The following THRAP3 variants were observed in gnomAD, a reference collection of about 807,000 sequenced individuals.
THRAP3 encodes the protein thyroid hormone receptor associated protein 3.
In THRAP3, 16 loss-of-function variants were observed where a neutral mutation model predicts 101.0. The ratio of observed to expected loss-of-function variants is 0.16; its 90% CI spans 0.11 to 0.24. THRAP3 has a LOEUF of 0.24. THRAP3 is among the 10% of genes least tolerant of loss of function. The probability of loss-of-function intolerance (pLI) is 1.00; values close to 1 mark genes in which losing one functional copy is unlikely to be tolerated. For missense variants in THRAP3, 989 were observed against 1,202.7 expected, an observed-to-expected ratio of 0.82 and a Z score of 2.63; for synonymous variants, 407 against 422.6, an observed-to-expected ratio of 0.96 and a Z score of 0.45.
At chr1:36,302,417 C>G (rs1022305620) in intron 11 of THRAP3, among the ~76,000 whole-genome samples, 3 of 152,212 alleles carry the variant, frequency 2.0e-5, no homozygotes, top group Non-Finnish European at 4.4e-5. Flanking sequence ...CATCCCTTTT[C>G]TAGGGTTGCT....
At chr1:36,245,383 GGT>G (rs1425254777) in intron 1 of THRAP3, among the ~76,000 whole-genome samples, 4 of 151,792 alleles carry the variant, frequency 2.6e-5, no homozygotes, top group African/African-American at 7.3e-5. Flanking sequence ...TGGCCAGGCT[GGT>G]CTCGAACTCC....
chr1:36,222,092 G>A (rs1387947494), upstream of THRAP3, among the ~76,000 whole-genome samples: 1 of 152,138 alleles, frequency 6.6e-6, no homozygotes, highest in Non-Finnish European at 1.5e-5. Flanking sequence ...GATTACAGGC[G>A]TGAGCCACTG....
chr1:36,244,373 TAAAAAA>T (rs1203379130), intron 1 of THRAP3, among the ~76,000 whole-genome samples: 2 of 152,254 alleles, frequency 1.3e-5, no homozygotes, highest in African/African-American at 4.8e-5. Context: ...AATTTGTAAT[TAAAAAA>T]AGAAAAAGTC....
chr1:36,267,638 A>G (rs1440206084), intron 2 of THRAP3, among the ~76,000 whole-genome samples: 1 of 117,946 alleles, frequency 8.5e-6, no homozygotes, highest in Admixed American at 1.2e-4. Flanking sequence ...AGCAATTAGT[A>G]ATAGTCAAAC....
At chr1:36,250,109 A>G (rs1323429657) in intron 1 of THRAP3, among the ~76,000 whole-genome samples, 2 of 152,166 alleles carry the variant, frequency 1.3e-5, no homozygotes, top group Non-Finnish European at 2.9e-5. Context: ...CGGCAATTAC[A>G]TAAGGTAGAC....
At chr1:36,264,811 T>C (rs901088161) in intron 2 of THRAP3, among the ~76,000 whole-genome samples, 56 of 152,212 alleles carry the variant, frequency 3.7e-4, no homozygotes, top group Admixed American at 1.4e-3. Flanking sequence ...AGAGTTTATA[T>C]TTGCTAGGGC....
chr1:36,236,318 T>C (rs1393693875), intron 1 of THRAP3, among the ~76,000 whole-genome samples: 1 of 152,144 alleles, frequency 6.6e-6, no homozygotes, highest in Non-Finnish European at 1.5e-5. Context: ...ATTAAGTATA[T>C]GTTGAGCTCT....
At chr1:36,296,241 T>G (rs1645949895) in intron 8 of THRAP3, among the ~76,000 whole-genome samples, 1 of 152,136 alleles carries the variant, frequency 6.6e-6, no homozygotes. Flanking sequence ...CCCAAAGTTC[T>G]GGGATTACAG....
the THRAP3 span, among the ~76,000 whole-genome samples, chr1:36,209,999 A>G: frequency 6.6e-6 from 1 of 152,176 alleles, no homozygotes; most frequent in Non-Finnish European, 1.5e-5. Flanking sequence ...ATCTTCTAGA[A>G]CAGTGCTACT....
At chr1:36,220,970 A>ATAT (rs1483311673), upstream of THRAP3, among the ~76,000 whole-genome samples, 27 of 128,392 alleles carry the variant, frequency 2.1e-4, no homozygotes, top group African/African-American at 6.9e-4. Flanking sequence ...AAAAAAAAAA[A>ATAT]AAATATATAT....
chr1:36,291,178 C>G (rs1163174806), intron 5 of THRAP3, among the ~76,000 whole-genome samples, 196 bp from the exon 6 acceptor site: 1 of 152,094 alleles, frequency 6.6e-6, no homozygotes, highest in Non-Finnish European at 1.5e-5. Flanking sequence ...CTTGAAGATT[C>G]CAGTAAGAAA....
chr1:36,262,274 G>C (rs988677487), intron 2 of THRAP3, among the ~76,000 whole-genome samples: 8 of 152,030 alleles, frequency 5.3e-5, no homozygotes, highest in African/African-American at 1.9e-4. Flanking sequence ...CACATTTCAC[G>C]TGCTGAGTCT....
At chr1:36,214,326 A>G in the THRAP3 span, among the ~76,000 whole-genome samples, 3 of 152,184 alleles carry the variant, frequency 2.0e-5, no homozygotes, top group Non-Finnish European at 2.9e-5. Flanking sequence ...CTGGGGGTCG[A>G]CTTTGACTCC....
At chr1:36,232,033 A>G (rs2124353524) in intron 1 of THRAP3, among the ~76,000 whole-genome samples, 1 of 152,116 alleles carries the variant, frequency 6.6e-6, no homozygotes, top group Middle Eastern at 3.4e-3. Flanking sequence ...CTTGACCAAC[A>G]TGGCGAAACC....
chr1:36,289,781 C>T lies in THRAP3; in HGVS notation c.1745+17C>T. On this transcript the variant is annotated intron_variant, in intron 5 of 11. Transcript: ENST00000354618. Reference sequence around the variant, plus strand: ...CCTCGCACGGTGAGATATGCTCCTTCTTGATCCTCAGTGCTTTAGTGGCCT... The same window carrying T: ...CCTCGCACGGTGAGATATGCTCCTTTTTGATCCTCAGTGCTTTAGTGGCCT... 6.3e-7 allele frequency: 1 copy of T among 1,578,554 alleles called. No homozygotes were observed. The highest frequency in any genetic ancestry group is 8.6e-7 in the Non-Finnish European group (1 of 1,163,888).
In THRAP3 at chr1:36,234,786, T is replaced by C. The variant is rs191946048; in HGVS notation, c.-135+10281T>C. ...TGTAGAACCTAGCTTGCCTCTTCTC[T>C]TCCTTTATTTCTGTTTCAGTCTTTT... On this transcript the variant is annotated intron_variant, in intron 1 of 11. Coordinates refer to ENST00000354618, the MANE Select transcript of THRAP3 (RefSeq NM_005119.4). 3.0e-3 allele frequency among the ~76,000 whole-genome samples: 458 copies of C among 151,384 alleles called. 4 individuals carry two copies. Among genetic ancestry groups the C allele is most frequent in the African/African-American group, 0.011 (440 of 41,324 alleles).
chr1:36,304,845 GTCTGTTT>G lies in THRAP3; in HGVS notation c.*832_*838del, dbSNP rs1646079901. The G allele has an allele frequency of 4.8e-6, 1 of 206,558 alleles. No individual in the cohort carries two copies. Among genetic ancestry groups the G allele is most frequent in the African/African-American group, 2.3e-5 (1 of 43,786 alleles). The allele number at this position is 206,558 out of a possible 1,614,324, so 12.8% of individuals were successfully genotyped here. ...GGTGGAAACTGGAGGGCAGTGTCTG[GTCTGTTT>G]TCTAAGAAACTTATGAATTCTATTA... On this transcript the variant is annotated 3_prime_UTR_variant, in exon 12 of 12. Transcript: ENST00000354618.
intron 2 of THRAP3, among the ~76,000 whole-genome samples, chr1:36,279,533 G>T (rs1356184545): frequency 6.6e-6 from 1 of 152,134 alleles, no homozygotes; most frequent in African/African-American, 2.4e-5. Context: ...ACTTCATATA[G>T]TGACACTACT....
chr1:36,269,325 T>G (rs997529650), intron 2 of THRAP3, among the ~76,000 whole-genome samples: 11 of 152,096 alleles, frequency 7.2e-5, no homozygotes, highest in African/African-American at 2.4e-4. Context: ...AGCTGCAGCC[T>G]TTTGGGGTTG....
Sources: gnomAD v4.1 joint callset for allele counts (sites outside exome capture counted in the v4.1 genomes callset) on GRCh38, gnomAD v4.1.1 for gene constraint, MANE v1.5 for transcripts, NCBI Gene and HGNC (gene_info 2026-07-23, HGNC 2026-07-21) for gene names.